PTPRN2: variants seen among roughly 807,000 people sequenced by gnomAD.
The protein encoded by PTPRN2 is receptor-type tyrosine-protein phosphatase N2.
PTPRN2 carries 74 observed loss-of-function variants against 118.8 expected under a neutral mutation model. That is an observed-to-expected ratio of 0.62 (90% CI 0.52 to 0.76). PTPRN2 has a LOEUF of 0.76. Ranked by LOEUF, PTPRN2 falls within the 30% of genes least tolerant of loss-of-function variation. PTPRN2 has a pLI of 0.00. For missense variants in PTPRN2, 1,481 were observed against 1,394.4 expected (o/e 1.06, Z -0.99); for synonymous variants, 641 against 608.0 (o/e 1.05, Z -0.80).
intron 6 of PTPRN2, among the ~76,000 whole-genome samples, chr7:158,150,389 G>A (rs1322646531): frequency 1.3e-5 from 2 of 152,204 alleles, no homozygotes; most frequent in Non-Finnish European, 2.9e-5. Flanking sequence ...CCCTCCACAT[G>A]CAGGGCTGAG....
chr7:157,944,527 C>G lies in PTPRN2; in HGVS notation c.1724-45790G>C, dbSNP rs1800350239. ...TTTCATGGAAAAAGCTTCCTGCAAG[C>G]ATCCGCACTGCTGCAAATATAATAA... On this transcript the variant is annotated intron_variant, in intron 11 of 22. Transcript: ENST00000389418. The surrounding 1 kb of genome is among the most constrained non-coding windows in gnomAD (Gnocchi z 4.3). Among the ~76,000 whole-genome samples the G allele has an allele frequency of 6.6e-6, 1 of 152,240 alleles. No individual in the cohort carries two copies. The highest frequency in any genetic ancestry group is 1.5e-5 in the Non-Finnish European group (1 of 68,042).
chr7:157,604,221 A>C, intron 15 of PTPRN2, 146 bp from the exon 16 acceptor site: 1 of 724,922 alleles, frequency 1.4e-6, no homozygotes, highest in East Asian at 2.7e-5. Flanking sequence ...TGGGACTCCC[A>C]AACAGCCTCC....
In PTPRN2 at chr7:158,133,800, G is replaced by A. The variant is rs777747602; in HGVS notation, c.1433C>T (p.Pro478Leu). The change falls in exon 9 of 23, where the codon CCT becomes CTT. Residue 478 changes from proline to leucine, a missense_variant. Coordinates refer to ENST00000389418, the MANE Select transcript of PTPRN2 (RefSeq NM_002847.5). ...AAFGELQNQM[P>L]GPSKEEQSLP... ...GCTCTGCTCCTCCTTCGAGGGCCCA[G>A]GCATCTGGTTTTGGAGCTCCCCAAA... The A allele has an allele frequency of 1.2e-6, 2 of 1,614,002 alleles. No homozygotes were observed. The highest frequency in any genetic ancestry group is 1.7e-6 in the Non-Finnish European group (2 of 1,180,036).
intron 2 of PTPRN2, among the ~76,000 whole-genome samples, chr7:158,479,572 C>CA (rs997263654): frequency 1.3e-5 from 2 of 152,118 alleles, no homozygotes; most frequent in East Asian, 1.9e-4. Flanking sequence ...ATGGAACTGG[C>CA]AAAAAATAGA....
intron 2 of PTPRN2, among the ~76,000 whole-genome samples, chr7:158,440,568 GATA>G (rs1378296414): frequency 3.3e-5 from 5 of 151,100 alleles, no homozygotes; most frequent in Non-Finnish European, 7.4e-5. Flanking sequence ...CGGTGGTGGT[GATA>G]ATGATAGTGG....
intron 12 of PTPRN2, among the ~76,000 whole-genome samples, chr7:157,687,272 C>T (rs574377306): frequency 6.6e-6 from 1 of 152,288 alleles, no homozygotes; most frequent in Non-Finnish European, 1.5e-5. Context: ...ACATGTTATG[C>T]CCAAACTCAA....
At chr7:157,701,844 C>G (rs1318234543) in intron 12 of PTPRN2, among the ~76,000 whole-genome samples, 4 of 149,676 alleles carry the variant, frequency 2.7e-5, no homozygotes, top group Admixed American at 1.3e-4. Context: ...TATAAGAAAG[C>G]CCGGTCGGTG....
intron 2 of PTPRN2, among the ~76,000 whole-genome samples, chr7:158,394,215 A>C (rs1264194946): frequency 2.2e-5 from 3 of 139,016 alleles, no homozygotes; most frequent in Non-Finnish European, 4.7e-5. Context: ...TATGTCCCCC[A>C]CAGATGCCTG....
Position 158,364,811 on chromosome 7 carries a change from C to G in PTPRN2, c.164-47879G>C, listed in dbSNP as rs952438400. Among the ~76,000 whole-genome samples the G allele has an allele frequency of 2.6e-5, 4 of 152,188 alleles. No individual in the cohort carries two copies. In the South Asian group the frequency reaches 8.3e-4, roughly 32 times the overall value. On this transcript the variant is annotated intron_variant, in intron 2 of 22. Transcript: ENST00000389418. Reference sequence around the variant, plus strand: ...CCAGGCATGTTTACCTCTAAATACACACCCTGCCAAGGACTGTGGCCTGGA... The same window carrying G: ...CCAGGCATGTTTACCTCTAAATACAGACCCTGCCAAGGACTGTGGCCTGGA...
chr7:157,606,172 G>A (rs894603565), intron 15 of PTPRN2, among the ~76,000 whole-genome samples: 1 of 152,244 alleles, frequency 6.6e-6, no homozygotes, highest in East Asian at 1.9e-4. Flanking sequence ...GACAGCGCCC[G>A]GGCTCAGCCC....
intron 2 of PTPRN2, among the ~76,000 whole-genome samples, chr7:158,323,593 A>G (rs1803214813): frequency 6.6e-6 from 1 of 152,238 alleles, no homozygotes; most frequent in Non-Finnish European, 1.5e-5. Context: ...GAAAGAAAAT[A>G]TTGAGCATTT....
chr7:158,033,354 G>C (rs1265595048), intron 11 of PTPRN2, among the ~76,000 whole-genome samples: 2 of 152,218 alleles, frequency 1.3e-5, no homozygotes, highest in African/African-American at 4.8e-5. Flanking sequence ...TAGCCATGTT[G>C]TGTGATAAGG....
rs978776387 is a variant in PTPRN2, at chr7:157,615,236, G to T, written c.2344+6126C>A. 6.6e-6 allele frequency among the ~76,000 whole-genome samples: 1 copy of T among 152,226 alleles called. No homozygotes were observed. The highest frequency in any genetic ancestry group is 1.5e-5 in the Non-Finnish European group (1 of 68,046). ...GTTTAAAACTCTTGTAATAAAAAGT[G>T]GGGGAGGAAGTCATGCTAAGCCAGC... On this transcript the variant is annotated intron_variant, in intron 15 of 22. Transcript: ENST00000389418. This position sits in a 1 kb window ranked among gnomAD's most constrained non-coding sequence, Gnocchi z 4.3.
intron 2 of PTPRN2, among the ~76,000 whole-genome samples, chr7:158,318,610 C>A (rs936345077): frequency 6.6e-6 from 1 of 152,242 alleles, no homozygotes; most frequent in African/African-American, 2.4e-5. Context: ...GGCTCAGAAG[C>A]CCAGGGCTCC....
chr7:158,034,668 G>T (rs939729406), intron 11 of PTPRN2, among the ~76,000 whole-genome samples: 10 of 152,242 alleles, frequency 6.6e-5, no homozygotes, highest in African/African-American at 2.4e-4. Context: ...CAGGCTGGGA[G>T]GGGCCCATGC....
At chr7:158,051,239 C>T (rs913215147) in intron 11 of PTPRN2, among the ~76,000 whole-genome samples, 1 of 152,222 alleles carries the variant, frequency 6.6e-6, no homozygotes, top group Non-Finnish European at 1.5e-5. Context: ...AGCTCTGGAC[C>T]AGCTTGCTGA....
At chr7:158,075,500 C>A (rs561921624) in intron 11 of PTPRN2, among the ~76,000 whole-genome samples, 7 of 152,306 alleles carry the variant, frequency 4.6e-5, no homozygotes, top group Non-Finnish European at 1.0e-4. Flanking sequence ...CCCTCCCCGC[C>A]CCCAACGCAG....
intron 10 of PTPRN2, among the ~76,000 whole-genome samples, chr7:158,105,456 A>G (rs1585453267): frequency 6.7e-6 from 1 of 149,708 alleles, no homozygotes; most frequent in Admixed American, 6.6e-5. Flanking sequence ...ATCAAACTCC[A>G]CCCTAGCTTC....
intron 3 of PTPRN2, among the ~76,000 whole-genome samples, chr7:158,223,658 C>T (rs1203361325): frequency 1.3e-5 from 2 of 152,038 alleles, no homozygotes; most frequent in South Asian, 2.1e-4. Context: ...TCAAGGGGCA[C>T]TTTATCAAGC....
Sources: gnomAD v4.1 joint callset for allele counts (sites outside exome capture counted in the v4.1 genomes callset) on GRCh38, gnomAD v4.1.1 for gene constraint, Gnocchi (gnomAD v3.1) non-coding constraint, MANE v1.5 for transcripts, NCBI Gene and HGNC (gene_info 2026-07-23, HGNC 2026-07-21) for gene names.